Variants in EBF1 observed in about 807,000 individuals in gnomAD.
EBF1 encodes the protein EBF transcription factor 1.
EBF1 carries 10 observed loss-of-function variants against 68.4 expected under a neutral mutation model. The ratio of observed to expected loss-of-function variants is 0.15; its 90% CI spans 0.09 to 0.25. The LOEUF (loss-of-function observed/expected upper bound fraction) is 0.25. Ranked by LOEUF, EBF1 falls within the 10% of genes least tolerant of loss-of-function variation. The pLI is 1.00. For synonymous variants in EBF1, 298 were observed against 299.8 expected, an observed-to-expected ratio of 0.99 and a Z score of 0.06; for missense variants, 509 against 794.4, an observed-to-expected ratio of 0.64 and a Z score of 4.32.
intron 6 of EBF1, among the ~76,000 whole-genome samples, chr5:158,966,572 C>T (rs6556377): frequency 0.76 from 115,022 of 152,062 alleles, 43,989 homozygotes; most frequent in South Asian, 0.89. Context: ...TGATTCACCC[C>T]GACAAAAAGT....
chr5:158,772,519 A>T (rs1774071313), intron 10 of EBF1, among the ~76,000 whole-genome samples: 1 of 152,224 alleles, frequency 6.6e-6, no homozygotes, highest in Non-Finnish European at 1.5e-5. Flanking sequence ...TCTGATTAAA[A>T]TATTAGCTGT....
intron 6 of EBF1, among the ~76,000 whole-genome samples, chr5:158,906,514 G>A (rs1471303465): frequency 3.3e-5 from 5 of 152,170 alleles, no homozygotes; most frequent in South Asian, 2.1e-4. Flanking sequence ...AGAAGGAACA[G>A]GCAGGTGCAG....
intron 10 of EBF1, among the ~76,000 whole-genome samples, chr5:158,767,125 A>G (rs1772872441): frequency 6.6e-6 from 1 of 152,130 alleles, no homozygotes; most frequent in Non-Finnish European, 1.5e-5. Flanking sequence ...TCCCTTAATA[A>G]CCAAATCTCA....
intron 6 of EBF1, among the ~76,000 whole-genome samples, chr5:159,035,998 A>T (rs1218981176): frequency 1.3e-5 from 2 of 152,126 alleles, no homozygotes; most frequent in African/African-American, 2.4e-5. Flanking sequence ...ACATGAAACT[A>T]TTTCACTCTA....
intron 9 of EBF1, among the ~76,000 whole-genome samples, chr5:158,791,464 G>A (rs1397232034): frequency 6.6e-6 from 1 of 152,038 alleles, no homozygotes; most frequent in Non-Finnish European, 1.5e-5. Flanking sequence ...GGCAATGGAA[G>A]GACAATCAAT....
intron 11 of EBF1, among the ~76,000 whole-genome samples, chr5:158,720,761 A>G (rs1472149298): frequency 1.3e-5 from 2 of 152,182 alleles, no homozygotes; most frequent in Non-Finnish European, 2.9e-5. Flanking sequence ...CATTATAGCT[A>G]AGGACCACTT....
chr5:158,937,540 A>G (rs1812288544), intron 6 of EBF1, among the ~76,000 whole-genome samples: 1 of 152,236 alleles, frequency 6.6e-6, no homozygotes, highest in Non-Finnish European at 1.5e-5. Flanking sequence ...GATGAAGGGA[A>G]AGAATTGCTC....
chr5:159,010,099 C>T lies in EBF1; in HGVS notation c.554+63297G>A, dbSNP rs1243646553. On this transcript the variant is annotated intron_variant, in intron 6 of 15. Transcript: ENST00000313708. ...GATGCCAGGTGAGCATGAAAGTATA[C>T]AGCCCGAAAGAGTAAAGTCTAATTA... is the stretch of plus-strand genomic sequence containing the variant. Among the ~76,000 whole-genome samples, 6 of 152,286 alleles carry T rather than the reference C, an allele frequency of 3.9e-5. No individual in the cohort carries two copies. In the South Asian group the frequency reaches 8.3e-4, roughly 21 times the overall value.
intron 6 of EBF1, among the ~76,000 whole-genome samples, chr5:159,022,086 A>T (rs1177583872): frequency 6.6e-6 from 1 of 150,782 alleles, no homozygotes; most frequent in Non-Finnish European, 1.5e-5. Flanking sequence ...AGGCAAGAGA[A>T]CGTTTCATCT....
At chr5:158,811,633 T>C (rs895350353) in intron 8 of EBF1, among the ~76,000 whole-genome samples, 1 of 152,226 alleles carries the variant, frequency 6.6e-6, no homozygotes, top group Non-Finnish European at 1.5e-5. Context: ...GAGAAAGTAC[T>C]TAACAACCGC....
At chr5:158,845,618 C>T (rs1056488309) in intron 6 of EBF1, among the ~76,000 whole-genome samples, 6 of 150,838 alleles carry the variant, frequency 4.0e-5, no homozygotes, top group Admixed American at 3.3e-4. Flanking sequence ...AAGTATTCTT[C>T]ACTCTTTAAA....
At chr5:158,953,785 G>A (rs1037084403) in intron 6 of EBF1, among the ~76,000 whole-genome samples, 3 of 152,178 alleles carry the variant, frequency 2.0e-5, no homozygotes, top group African/African-American at 4.8e-5. Context: ...CAGAATCAAA[G>A]AGGAGTATAG....
intron 8 of EBF1, among the ~76,000 whole-genome samples, chr5:158,797,184 CAT>C (rs1284967072): frequency 6.6e-6 from 1 of 152,180 alleles, no homozygotes; most frequent in Non-Finnish European, 1.5e-5. Context: ...TTCAAAATTT[CAT>C]ATCTCTTTTC....
At chr5:158,781,339 G>A (rs568403004) in intron 9 of EBF1, among the ~76,000 whole-genome samples, 14 of 152,174 alleles carry the variant, frequency 9.2e-5, no homozygotes, top group Middle Eastern at 3.4e-3. Flanking sequence ...CTTGTTAGTT[G>A]TAGAAATATC....
At chr5:158,906,199 T>C (rs1239994846) in intron 6 of EBF1, among the ~76,000 whole-genome samples, 1 of 151,932 alleles carries the variant, frequency 6.6e-6, no homozygotes, top group Non-Finnish European at 1.5e-5. Context: ...TTGTCTTGTG[T>C]TCATTCTCTA....
intron 6 of EBF1, among the ~76,000 whole-genome samples, chr5:158,855,408 AT>A (rs1793778919): frequency 6.6e-6 from 1 of 152,232 alleles, no homozygotes. Context: ...ATCAGGTGAC[AT>A]GGTCAGGGTC....
intron 10 of EBF1, among the ~76,000 whole-genome samples, chr5:158,775,536 C>T (rs1774941564): frequency 1.3e-5 from 2 of 151,904 alleles, no homozygotes; most frequent in African/African-American, 4.8e-5. Flanking sequence ...AAGCAGCCAG[C>T]GAGGCCTAAT....
intron 5 of EBF1, among the ~76,000 whole-genome samples, chr5:159,079,602 C>CTT (rs58461083): frequency 1.3e-3 from 150 of 113,604 alleles, no homozygotes; most frequent in Non-Finnish European, 1.7e-3. Context: ...CTCCTTTTAT[C>CTT]TTTTTTTTTT....
intron 6 of EBF1, among the ~76,000 whole-genome samples, chr5:158,976,596 AT>A (rs1309239702): frequency 6.6e-6 from 1 of 152,186 alleles, no homozygotes; most frequent in Non-Finnish European, 1.5e-5. Flanking sequence ...ACTGCTAAGG[AT>A]TTCAACCTAG....
Sources: gnomAD v4.1 joint callset for allele counts (sites outside exome capture counted in the v4.1 genomes callset) on GRCh38, gnomAD v4.1.1 for gene constraint, MANE v1.5 for transcripts, NCBI Gene and HGNC (gene_info 2026-07-23, HGNC 2026-07-21) for gene names.